RBPJ: variants seen among roughly 807,000 people sequenced by gnomAD.
RBPJ encodes the protein recombining binding protein suppressor of hairless.
Under a neutral mutation model 67.8 loss-of-function variants are expected in RBPJ, and 9 were observed. The ratio of observed to expected loss-of-function variants is 0.13; its 90% CI spans 0.08 to 0.23. The LOEUF (loss-of-function observed/expected upper bound fraction) is 0.23. RBPJ is among the 10% of genes least tolerant of loss of function. The pLI, the probability that RBPJ is intolerant of heterozygous loss-of-function variation, is 1.00. For synonymous variants in RBPJ, 198 were observed against 203.3 expected, an observed-to-expected ratio of 0.97 and a Z score of 0.22; for missense variants, 305 against 595.6, an observed-to-expected ratio of 0.51 and a Z score of 5.08.
At position 26,365,194 on chromosome 4, in the gene RBPJ, A is replaced by AT. The variant is rs540645726; in HGVS notation, c.21-21150dup. ...TGATGATTATTAAATGCCAGATTAG[A>AT]TTTTTTTTTGTAGAGGGTACGCTAT... On this transcript the variant is annotated intron_variant, in intron 1 of 10. Transcript: ENST00000355476. Among the ~76,000 whole-genome samples the AT allele has an allele frequency of 4.4e-3, 662 of 151,328 alleles. 3 individuals are homozygous for AT. The highest frequency in any genetic ancestry group is 7.5e-3 in the East Asian group (39 of 5,176).
chr4:26,386,178 A>G (rs1345484182), intron 1 of RBPJ, among the ~76,000 whole-genome samples, 175 bp from the exon 2 acceptor site: 2 of 152,058 alleles, frequency 1.3e-5, no homozygotes, highest in African/African-American at 4.8e-5. Flanking sequence ...GCATGTTTAA[A>G]TGTGTGTTTT....
intron 1 of RBPJ, among the ~76,000 whole-genome samples, chr4:26,322,629 T>C (rs201004905): frequency 1.3e-5 from 2 of 151,242 alleles, no homozygotes; most frequent in East Asian, 3.9e-4. Flanking sequence ...ATTAATCAAA[T>C]GCAGTTAAAA....
intron 1 of RBPJ, among the ~76,000 whole-genome samples, chr4:26,172,205 A>G (rs745732774): frequency 3.9e-5 from 6 of 152,254 alleles, no homozygotes; most frequent in Admixed American, 6.5e-5. Flanking sequence ...GTCACAAAGA[A>G]AGACTACAGA....
chr4:26,412,209 G>A (rs1302809275), intron 3 of RBPJ, among the ~76,000 whole-genome samples: 5 of 151,436 alleles, frequency 3.3e-5, no homozygotes, highest in Non-Finnish European at 5.9e-5. Flanking sequence ...CCAAAAATTC[G>A]AAGTGCTCCA....
At chr4:26,415,714 G>C in intron 4 of RBPJ, 74 bp downstream of exon 4, 3 of 1,403,372 alleles carry the variant, frequency 2.1e-6, no homozygotes, top group Non-Finnish European at 2.9e-6. Context: ...TCATTTTTGT[G>C]GTGGAGATTT....
At position 26,279,901 on chromosome 4, in the gene RBPJ, T is replaced by C. The variant is rs903472326; in HGVS notation, c.-166-82545T>C. 2.0e-5 allele frequency among the ~76,000 whole-genome samples: 3 copies of C among 149,118 alleles called. No homozygotes were observed. The Admixed American group carries it at 2.0e-4, about 10-fold the overall frequency. ...TTCTTGGGCTCAACCAATCCTCCCA[T>C]CTCAGCCTCCCAAGTAGCTGGGACC... is the stretch of plus-strand genomic sequence containing the variant. On this transcript the variant is annotated intron_variant, in intron 1 of 4. Transcript: ENST00000512351.
At chr4:26,109,446 C>A in the RBPJ span, among the ~76,000 whole-genome samples, 13 of 27,516 alleles carry the variant, frequency 4.7e-4, no homozygotes, top group African/African-American at 1.6e-3. Context: ...CTCTCTCTCT[C>A]TCTCTCTCTC....
At position 26,213,751 on chromosome 4, in the gene RBPJ, G is replaced by A. The variant is rs528637209; in HGVS notation, c.-167+50137G>A. Among the ~76,000 whole-genome samples the A allele has an allele frequency of 1.2e-4, 18 of 152,278 alleles. No individual in the cohort carries two copies. The South Asian group carries it at 3.7e-3, about 32-fold the overall frequency. Reference sequence around the variant, plus strand: ...GAAAGGTGACTCTGGCTGTTGGATGGAGACTAGGTTGTAAGAGAACAGCTG... The same window carrying A: ...GAAAGGTGACTCTGGCTGTTGGATGAAGACTAGGTTGTAAGAGAACAGCTG... On this transcript the variant is annotated intron_variant, in intron 1 of 4. Transcript: ENST00000512351.
intron 1 of RBPJ, among the ~76,000 whole-genome samples, chr4:26,282,290 A>C (rs191489024): frequency 1.3e-5 from 2 of 152,230 alleles, no homozygotes; most frequent in African/African-American, 4.8e-5. Context: ...TTCTGGGATA[A>C]AGTGCCAACA....
intron 1 of RBPJ, among the ~76,000 whole-genome samples, chr4:26,202,695 G>T (rs763033211): frequency 2.6e-5 from 4 of 151,918 alleles, no homozygotes; most frequent in Non-Finnish European, 5.9e-5. Context: ...ATCTCTTGAG[G>T]GCAGTAGTTC....
At chr4:26,133,415 A>G in the RBPJ span, among the ~76,000 whole-genome samples, 7 of 152,174 alleles carry the variant, frequency 4.6e-5, no homozygotes, top group African/African-American at 1.4e-4. Flanking sequence ...TCTACTAAAA[A>G]ACAAACAAAC....
At chr4:26,106,789 T>C in the RBPJ span, among the ~76,000 whole-genome samples, 3 of 152,300 alleles carry the variant, frequency 2.0e-5, no homozygotes, top group Non-Finnish European at 4.4e-5. Context: ...AGCTGGACTC[T>C]GACCAATGCA....
Position 26,407,892 on chromosome 4 carries a change from T to C in RBPJ, c.155+1622T>C, listed in dbSNP as rs895510185. Among the ~76,000 whole-genome samples the C allele has an allele frequency of 4.1e-4, 53 of 128,736 alleles. 1 individual carries two copies. Among genetic ancestry groups the C allele is most frequent in the African/African-American group, 1.2e-3 (40 of 33,682 alleles). The allele number at this position is 128,736 out of a possible 152,430, so 84.5% of individuals were successfully genotyped here. A position where few individuals can be genotyped will look rare whatever the true frequency, so the allele number is the denominator to read the frequency against. ...GGGTAAAGCTTTCTTTCTTTTTTTT[T>C]TTTTTTTTTTTTTTTTTTTTGAGAC... On this transcript the variant is annotated intron_variant, in intron 3 of 10. Transcript: ENST00000355476.
intron 1 of RBPJ, among the ~76,000 whole-genome samples, chr4:26,223,177 A>G (rs1718972147): frequency 6.6e-6 from 1 of 150,476 alleles, no homozygotes; most frequent in Non-Finnish European, 1.5e-5. Flanking sequence ...AAAAAGAATT[A>G]TACTTTAATT....
intron 1 of RBPJ, among the ~76,000 whole-genome samples, chr4:26,195,339 A>G (rs1717717081): frequency 6.6e-6 from 1 of 152,212 alleles, no homozygotes; most frequent in Admixed American, 6.5e-5. Flanking sequence ...TTGTCCATCA[A>G]CTGGTGAATG....
At chr4:26,105,710 T>C in the RBPJ span, among the ~76,000 whole-genome samples, 2 of 151,962 alleles carry the variant, frequency 1.3e-5, no homozygotes, top group African/African-American at 4.8e-5. Context: ...AACAAAAACA[T>C]GAGAAAAGAT....
chr4:26,332,980 G>C (rs776156237), intron 1 of RBPJ, among the ~76,000 whole-genome samples: 8 of 152,200 alleles, frequency 5.3e-5, no homozygotes, highest in Non-Finnish European at 1.0e-4. Flanking sequence ...TGTGTAAAGT[G>C]AGCCACTATA....
chr4:26,337,153 TAAAG>T (rs772696148), intron 1 of RBPJ, among the ~76,000 whole-genome samples: 264 of 143,624 alleles, frequency 1.8e-3, no homozygotes, highest in Non-Finnish European at 2.8e-3. Context: ...TTTTTTTAAA[TAAAG>T]ACAGGGTTTC....
chr4:26,140,163 A>C, the RBPJ span, among the ~76,000 whole-genome samples: 2 of 152,312 alleles, frequency 1.3e-5, no homozygotes, highest in South Asian at 4.1e-4. Flanking sequence ...AATGTCACAC[A>C]GCATTTGCTA....
Sources: gnomAD v4.1 joint callset for allele counts (sites outside exome capture counted in the v4.1 genomes callset) on GRCh38, gnomAD v4.1.1 for gene constraint, MANE v1.5 for transcripts, NCBI Gene and HGNC (gene_info 2026-07-23, HGNC 2026-07-21) for gene names.